CSMD2: variants seen among roughly 807,000 people sequenced by gnomAD.
CSMD2 encodes the protein CUB and sushi domain-containing protein 2.
In CSMD2, 130 loss-of-function variants were observed where a neutral mutation model predicts 398.5. The observed-to-expected ratio is 0.33, with a 90% CI of 0.28 to 0.38. The LOEUF is 0.38. Ranked by LOEUF, CSMD2 falls within the 10% of genes least tolerant of loss-of-function variation. The probability of loss-of-function intolerance (pLI) is 1.00; values close to 1 mark genes in which losing one functional copy is unlikely to be tolerated. For missense variants in CSMD2, 3,829 were observed against 4,764.9 expected, an observed-to-expected ratio of 0.80 and a Z score of 5.78; for synonymous variants, 1,828 against 1,908.5, an observed-to-expected ratio of 0.96 and a Z score of 1.10.
chr1:33,849,785 T>C (rs1384523834), intron 5 of CSMD2, among the ~76,000 whole-genome samples: 1 of 151,008 alleles, frequency 6.6e-6, no homozygotes, highest in Non-Finnish European at 1.5e-5. Flanking sequence ...ACTTATATTT[T>C]GGATAGCATC....
intron 5 of CSMD2, among the ~76,000 whole-genome samples, chr1:33,890,564 CT>C (rs1448424849): frequency 6.6e-6 from 1 of 151,912 alleles, no homozygotes; most frequent in African/African-American, 2.4e-5. Context: ...TTTGTGGGCT[CT>C]TTTTTTCAGC....
At chr1:33,740,584 C>A (rs1647025922) in intron 14 of CSMD2, among the ~76,000 whole-genome samples, 2 of 152,178 alleles carry the variant, frequency 1.3e-5, no homozygotes, top group Admixed American at 1.3e-4. Flanking sequence ...TGATCCCATG[C>A]AGGGCTTCAG....
intron 5 of CSMD2, among the ~76,000 whole-genome samples, chr1:33,875,851 T>C (rs1183833373): frequency 1.3e-5 from 2 of 152,196 alleles, no homozygotes; most frequent in Non-Finnish European, 2.9e-5. Flanking sequence ...TGAATAATGT[T>C]CTTGTTTTTG....
At chr1:33,710,170 T>C (rs1645937166) in intron 21 of CSMD2, among the ~76,000 whole-genome samples, 1 of 152,204 alleles carries the variant, frequency 6.6e-6, no homozygotes, top group Non-Finnish European at 1.5e-5. Flanking sequence ...ACACAGTGCG[T>C]AGGCAGGGCA....
intron 2 of CSMD2, among the ~76,000 whole-genome samples, chr1:34,081,000 A>AG (rs1558349788): frequency 6.7e-6 from 1 of 149,810 alleles, no homozygotes; most frequent in African/African-American, 2.4e-5. Context: ...GATGTGAGAA[A>AG]GGGATGTGAC....
intron 3 of CSMD2, among the ~76,000 whole-genome samples, chr1:34,023,583 G>A (rs897147231): frequency 2.0e-5 from 3 of 152,126 alleles, no homozygotes; most frequent in Non-Finnish European, 2.9e-5. Context: ...TCTTGCCCTC[G>A]GAGAGCCACA....
At chr1:33,916,014 T>C in intron 5 of CSMD2, among the ~76,000 whole-genome samples, 1 of 152,334 alleles carries the variant, frequency 6.6e-6, no homozygotes. Context: ...TTACTTCATA[T>C]AATTTTTATG....
chr1:33,766,892 GC>G (rs921472267), intron 13 of CSMD2, among the ~76,000 whole-genome samples: 2 of 152,174 alleles, frequency 1.3e-5, no homozygotes, highest in African/African-American at 4.8e-5. Flanking sequence ...TAATCTTACA[GC>G]TTTTGCTACT....
chr1:33,539,909 T>C (rs1008635837), intron 60 of CSMD2, among the ~76,000 whole-genome samples: 2 of 152,180 alleles, frequency 1.3e-5, no homozygotes, highest in African/African-American at 4.8e-5. Context: ...AGTATGTGGA[T>C]AGTTTTCTGC....
At chr1:33,944,652 T>A (rs1183372798) in intron 3 of CSMD2, among the ~76,000 whole-genome samples, 2 of 151,702 alleles carry the variant, frequency 1.3e-5, no homozygotes, top group Admixed American at 6.6e-5. Context: ...ACGGCTTGAG[T>A]GTTTACTATG....
At chr1:33,737,315 G>A (rs638438) in intron 15 of CSMD2, among the ~76,000 whole-genome samples, 49,495 of 152,106 alleles carry the variant, frequency 0.33, 10,781 homozygotes, top group African/African-American at 0.63. Flanking sequence ...AGAAAAAAAT[G>A]TCTATTCATG....
intron 13 of CSMD2, among the ~76,000 whole-genome samples, chr1:33,757,190 G>T (rs548006734): frequency 2.0e-5 from 3 of 152,186 alleles, no homozygotes; most frequent in African/African-American, 7.2e-5. Context: ...ATAGCATTAG[G>T]AGATATACCT....
rs373065030 is a variant in CSMD2, at chr1:33,580,907, G to A, written c.7241-8C>T. 2.5e-6 allele frequency: 4 copies of A among 1,613,628 alleles called. No individual in the cohort carries two copies. The African/African-American group carries it at 5.3e-5, about 22-fold the overall frequency. ...GACTCTGTCCTGATGGACCTGGGGT[G>A]AGAAGGACGCAGGATTACAGACCAT... On this transcript the variant is annotated splice_region_variant and splice_polypyrimidine_tract_variant and intron_variant, in intron 47 of 70. Transcript: ENST00000373381.
chr1:33,988,505 A>G (rs548043004), intron 3 of CSMD2, among the ~76,000 whole-genome samples: 15 of 152,274 alleles, frequency 9.9e-5, no homozygotes, highest in African/African-American at 3.1e-4. Flanking sequence ...TCATTCTGGA[A>G]TGTCCTGCCA....
At chr1:33,888,648 A>G (rs1474682634) in intron 5 of CSMD2, among the ~76,000 whole-genome samples, 1 of 152,224 alleles carries the variant, frequency 6.6e-6, no homozygotes, top group Non-Finnish European at 1.5e-5. Context: ...TGAGAGTTCC[A>G]GAATAAATAG....
chr1:33,530,634 T>A (rs1413151942), intron 64 of CSMD2, among the ~76,000 whole-genome samples: 2 of 152,158 alleles, frequency 1.3e-5, no homozygotes, highest in Non-Finnish European at 2.9e-5. Context: ...CAAAGAGATA[T>A]CTGCACTCTC....
At chr1:33,654,446 G>A (rs762434864) in intron 27 of CSMD2, among the ~76,000 whole-genome samples, 4 of 152,124 alleles carry the variant, frequency 2.6e-5, no homozygotes, top group South Asian at 4.1e-4. Flanking sequence ...TAGAGGAGGC[G>A]TGCTTCTCCC....
At chr1:33,691,758 T>C (rs1328539582) in intron 25 of CSMD2, among the ~76,000 whole-genome samples, 5 of 152,202 alleles carry the variant, frequency 3.3e-5, no homozygotes, top group Non-Finnish European at 5.9e-5. Context: ...GGCTCCCTCT[T>C]AGTTACTGGC....
At chr1:33,539,057 T>C (rs746835946) in intron 60 of CSMD2, among the ~76,000 whole-genome samples, 23 of 152,016 alleles carry the variant, frequency 1.5e-4, no homozygotes, top group Non-Finnish European at 2.6e-4. Flanking sequence ...AAGCTCCGCC[T>C]CCTGGGTTCA....
Sources: gnomAD v4.1 joint callset for allele counts (sites outside exome capture counted in the v4.1 genomes callset) on GRCh38, gnomAD v4.1.1 for gene constraint, MANE v1.5 for transcripts, NCBI Gene and HGNC (gene_info 2026-07-23, HGNC 2026-07-21) for gene names.